Variants in UBE3D observed in about 807,000 individuals in gnomAD.
UBE3D encodes ubiquitin protein ligase E3D.
UBE3D carries 48 observed loss-of-function variants against 49.6 expected under a neutral mutation model. The ratio of observed to expected loss-of-function variants is 0.97; its 90% CI spans 0.77 to 1.23. The LOEUF is 1.23. UBE3D is among the 50% of genes most tolerant of loss of function. The pLI, the probability that UBE3D is intolerant of heterozygous loss-of-function variation, is 0.00. For missense variants in UBE3D, 452 were observed against 468.4 expected (o/e 0.96, Z 0.32); for synonymous variants, 189 against 174.2 (o/e 1.08, Z -0.67).
intron 7 of UBE3D, among the ~76,000 whole-genome samples, chr6:83,020,341 GTTT>G (rs11341564): frequency 6.4e-5 from 9 of 141,304 alleles, no homozygotes; most frequent in East Asian, 4.1e-4. Context: ...ATGTGATACT[GTTT>G]TTTTTTTTTT....
At chr6:83,018,812 A>C in intron 8 of UBE3D, 161 bp downstream of exon 8, 1 of 760,796 alleles carries the variant, frequency 1.3e-6, no homozygotes, top group Admixed American at 3.4e-5. Flanking sequence ...ATCTGTAATA[A>C]TTCAACCTAT....
At chr6:82,994,289 C>G (rs1462106946) in intron 8 of UBE3D, among the ~76,000 whole-genome samples, 2 of 152,088 alleles carry the variant, frequency 1.3e-5, no homozygotes, top group South Asian at 4.1e-4. Context: ...AAAATAGACT[C>G]TAATTGAAAT....
chr6:82,965,272 C>A (rs1284617501), intron 8 of UBE3D, among the ~76,000 whole-genome samples: 1 of 152,130 alleles, frequency 6.6e-6, no homozygotes, highest in Non-Finnish European at 1.5e-5. Flanking sequence ...ACTAAGAACA[C>A]AGAAATTAGA....
rs559441054 is a variant in UBE3D at position 83,016,568 on chromosome 6, G to A, written c.1010+2405C>T. On this transcript the variant is annotated intron_variant, in intron 8 of 9. Coordinates refer to ENST00000369747, the MANE Select transcript of UBE3D (RefSeq NM_198920.3). ...CTGGTACCAAAATCTGTATTAGTCA[G>A]GGCTCTCTAGAGGGACGGAACTAAT... Among the ~76,000 whole-genome samples, 323 of 151,916 alleles carry A rather than the reference G, an allele frequency of 2.1e-3. 1 individual carries two copies. Among genetic ancestry groups the A allele is most frequent in the Non-Finnish European group, 3.3e-3 (227 of 67,960 alleles).
At chr6:82,963,389 G>T (rs1181784452) in intron 8 of UBE3D, among the ~76,000 whole-genome samples, 1 of 151,888 alleles carries the variant, frequency 6.6e-6, no homozygotes, top group East Asian at 1.9e-4. Context: ...TATTAGTCTT[G>T]GTTCTCTAGA....
intron 8 of UBE3D, among the ~76,000 whole-genome samples, chr6:83,007,561 A>C (rs902964057): frequency 8.5e-5 from 13 of 152,226 alleles, no homozygotes; most frequent in South Asian, 4.1e-4. Flanking sequence ...TATTTCCAAA[A>C]CAGAAAAAGA....
chr6:82,923,571 G>A (rs151264000), intron 9 of UBE3D, among the ~76,000 whole-genome samples: 1 of 152,128 alleles, frequency 6.6e-6, no homozygotes, highest in South Asian at 2.1e-4. Flanking sequence ...CTGTGGGGGT[G>A]GGGGGCTAGG....
At chr6:82,983,864 A>T (rs1410260318) in intron 8 of UBE3D, among the ~76,000 whole-genome samples, 2 of 152,160 alleles carry the variant, frequency 1.3e-5, no homozygotes, top group Non-Finnish European at 2.9e-5. Context: ...ACTGTGTTTT[A>T]AAGTCTCTTG....
chr6:83,064,947 G>A (rs1562243747), intron 1 of UBE3D, among the ~76,000 whole-genome samples: 1 of 152,136 alleles, frequency 6.6e-6, no homozygotes, highest in Non-Finnish European at 1.5e-5. Flanking sequence ...TTGAAACAGC[G>A]ATCACAAAGG....
chr6:82,955,178 G>A (rs1353480292), intron 9 of UBE3D, among the ~76,000 whole-genome samples: 2 of 152,172 alleles, frequency 1.3e-5, no homozygotes, highest in Non-Finnish European at 2.9e-5. Context: ...CTTAAAGGGG[G>A]CAAGGCCTTC....
At chr6:82,952,380 TA>T (rs142634987) in intron 9 of UBE3D, among the ~76,000 whole-genome samples, 2 of 151,360 alleles carry the variant, frequency 1.3e-5, no homozygotes, top group African/African-American at 2.4e-5. Flanking sequence ...CAGAAAGAAC[TA>T]AAAAAAATTA....
chr6:82,982,518 C>T (rs1778182417), intron 8 of UBE3D, among the ~76,000 whole-genome samples: 1 of 152,140 alleles, frequency 6.6e-6, no homozygotes, highest in African/African-American at 2.4e-5. Context: ...GTTGATTGAC[C>T]TATAATTTCC....
At position 82,894,353 on chromosome 6, in the gene UBE3D, C is replaced by T. The variant is rs180675563; in HGVS notation, c.1150-1311G>A. Among the ~76,000 whole-genome samples the T allele has an allele frequency of 5.3e-5, 8 of 152,188 alleles. No homozygotes were observed. In the East Asian group the frequency reaches 1.5e-3, roughly 29 times the overall value. ...CTATCATATCTTGCTGGACAAAGGCCCAAGGAACATCCTATGACATCCCAC... is the reference window on the plus strand; with the variant it reads ...CTATCATATCTTGCTGGACAAAGGCTCAAGGAACATCCTATGACATCCCAC... On this transcript the variant is annotated intron_variant, in intron 9 of 9. Coordinates refer to ENST00000369747, the MANE Select transcript of UBE3D (RefSeq NM_198920.3).
At chr6:82,987,936 AAC>A (rs1352610535) in intron 8 of UBE3D, among the ~76,000 whole-genome samples, 13 of 152,380 alleles carry the variant, frequency 8.5e-5, no homozygotes, top group African/African-American at 2.9e-4. Flanking sequence ...AAGTCTTAAA[AAC>A]ACAGTCAGAA....
intron 5 of UBE3D, among the ~76,000 whole-genome samples, chr6:83,031,676 A>C (rs1049250390): frequency 2.0e-5 from 3 of 152,232 alleles, no homozygotes; most frequent in Non-Finnish European, 4.4e-5. Flanking sequence ...TAAATCACTA[A>C]GACAATGAGG....
intron 9 of UBE3D, among the ~76,000 whole-genome samples, chr6:82,931,852 G>T (rs756127285): frequency 2.0e-5 from 3 of 152,126 alleles, no homozygotes; most frequent in Non-Finnish European, 4.4e-5. Context: ...GGAGGGGCCG[G>T]GGTGAAAAGA....
intron 8 of UBE3D, among the ~76,000 whole-genome samples, chr6:82,980,014 T>C (rs988667935): frequency 2.0e-5 from 3 of 152,164 alleles, no homozygotes; most frequent in African/African-American, 7.2e-5. Context: ...TTTAGGTTGA[T>C]TATATATCTT....
chr6:82,887,320 CAAA>C, the UBE3D span, among the ~76,000 whole-genome samples: 3 of 66,938 alleles, frequency 4.5e-5, no homozygotes, highest in Non-Finnish European at 9.0e-5. Flanking sequence ...AAGACTGTCT[CAAA>C]AAAAAAAAAA....
chr6:83,016,307 T>C (rs528387954), intron 8 of UBE3D, among the ~76,000 whole-genome samples: 55 of 152,340 alleles, frequency 3.6e-4, no homozygotes, highest in Admixed American at 1.8e-3. Flanking sequence ...AAAGGCATTA[T>C]GTATAGAGTT....
Sources: gnomAD v4.1 joint callset for allele counts (sites outside exome capture counted in the v4.1 genomes callset) on GRCh38, gnomAD v4.1.1 for gene constraint, MANE v1.5 for transcripts, NCBI Gene and HGNC (gene_info 2026-07-23, HGNC 2026-07-21) for gene names.